The following YEATS2 variants were observed in gnomAD, a reference collection of about 807,000 sequenced individuals.
YEATS2 encodes the protein YEATS domain-containing protein 2.
Under a neutral mutation model 163.2 loss-of-function variants are expected in YEATS2, and 77 were observed. That is an observed-to-expected ratio of 0.47 (90% CI 0.39 to 0.57). YEATS2 has a LOEUF of 0.57. YEATS2 is among the 20% of genes least tolerant of loss of function. The pLI, the probability that YEATS2 is intolerant of heterozygous loss-of-function variation, is 0.00. For synonymous variants in YEATS2, 631 were observed against 645.1 expected, an observed-to-expected ratio of 0.98 and a Z score of 0.33; for missense variants, 1,549 against 1,729.8, an observed-to-expected ratio of 0.90 and a Z score of 1.85.
chr3:183,708,990 T>C (rs1437071606), intron 1 of YEATS2, among the ~76,000 whole-genome samples: 1 of 151,826 alleles, frequency 6.6e-6, no homozygotes, highest in Non-Finnish European at 1.5e-5. Flanking sequence ...TGAAATCCCG[T>C]CTCTTCTAAA....
chr3:183,760,609 G>T (rs916354714), intron 13 of YEATS2, among the ~76,000 whole-genome samples: 2 of 151,994 alleles, frequency 1.3e-5, no homozygotes, highest in Non-Finnish European at 1.5e-5. Flanking sequence ...GGCGTGAGCC[G>T]CTGCGCCTGG....
rs1279205774 is a variant in YEATS2 at position 183,762,218 on chromosome 3, A to C, written c.1886A>C (p.Gln629Pro). ...KGGHMIAVSP[Q>P]KQVITPGEGI... ...GGTCACATGATAGCTGTGTCCCCTC[A>C]AAAACAGGTCATAACTCCTGGAGAA... Residue 629 changes from glutamine to proline, a missense_variant, in exon 15 of 31, where the codon CAA becomes CCA. Coordinates refer to ENST00000305135, the MANE Select transcript of YEATS2 (RefSeq NM_018023.5). 1 of 1,614,010 alleles carries C rather than the reference A, an allele frequency of 6.2e-7. No individual in the cohort carries two copies. Among genetic ancestry groups the C allele is most frequent in the Non-Finnish European group, 8.5e-7 (1 of 1,179,896 alleles).
At chr3:183,791,335 A>G (rs563476962) in intron 21 of YEATS2, among the ~76,000 whole-genome samples, 4 of 152,268 alleles carry the variant, frequency 2.6e-5, no homozygotes, top group African/African-American at 7.2e-5. Context: ...GTGCCCAGCT[A>G]TTTTTTTGGA....
intron 20 of YEATS2, among the ~76,000 whole-genome samples, chr3:183,790,334 A>T (rs1724493313): frequency 6.6e-6 from 1 of 152,084 alleles, no homozygotes; most frequent in African/African-American, 2.4e-5. Flanking sequence ...TTTCTCTCAG[A>T]GCCTTAGCAC....
chr3:183,742,338 C>A (rs1444709979), intron 8 of YEATS2, among the ~76,000 whole-genome samples: 2 of 152,182 alleles, frequency 1.3e-5, no homozygotes, highest in Non-Finnish European at 2.9e-5. Context: ...ACTAACCATT[C>A]TAGATGCCAT....
intron 16 of YEATS2, 88 bp downstream of exon 16, chr3:183,772,651 G>A: frequency 1.3e-6 from 2 of 1,524,204 alleles, no homozygotes; most frequent in South Asian, 1.2e-5. Flanking sequence ...ATTTGATCTG[G>A]TCTAGGAAAG....
At chr3:183,702,466 T>C (rs1714198010) in intron 1 of YEATS2, among the ~76,000 whole-genome samples, 3 of 150,856 alleles carry the variant, frequency 2.0e-5, no homozygotes, top group Non-Finnish European at 4.4e-5. Context: ...AAAATTACCT[T>C]AAAAATCTCA....
chr3:183,795,455 ATTTTTTTTTTTTTTT>A (rs573338439), intron 21 of YEATS2, among the ~76,000 whole-genome samples: 5 of 79,900 alleles, frequency 6.3e-5, no homozygotes, highest in Admixed American at 1.3e-4. Flanking sequence ...CACGGGACTA[ATTTTTTTTTTTTTTT>A]TTTTTTTTTT....
intron 21 of YEATS2, among the ~76,000 whole-genome samples, chr3:183,795,219 T>C (rs549480196): frequency 6.6e-6 from 1 of 151,342 alleles, no homozygotes; most frequent in African/African-American, 2.4e-5. Flanking sequence ...TCTACCCTAA[T>C]AGTAAATCAG....
At chr3:183,786,444 A>C (rs573254763) in intron 20 of YEATS2, 143 bp downstream of exon 20, 2 of 794,314 alleles carry the variant, frequency 2.5e-6, no homozygotes, top group East Asian at 2.7e-5. Flanking sequence ...TTCACATACC[A>C]TAAAAGTCCC....
rs1184270198 is a variant in YEATS2, at chr3:183,736,725, C to G, written c.820C>G (p.Pro274Ala). 2 of 1,612,892 alleles carry G rather than the reference C, an allele frequency of 1.2e-6. No homozygotes were observed. The highest frequency in any genetic ancestry group is 2.7e-5 in the African/African-American group (2 of 74,848). Residue 274 changes from proline (P) to alanine (A), a missense_variant, in exon 8 of 31, where the codon CCT becomes GCT. By Grantham distance (27) the Pro-to-Ala change is conservative (BLOSUM62 -1). Transcript: ENST00000305135. Reference protein sequence around the residue: ...PNDLVEVREPPFHLTRRGWGE... With the variant: ...PNDLVEVREPAFHLTRRGWGE... ...ATATCTGCTTTTCCATAGAGAGCCT[C>G]CTTTTCACCTGACCAGAAGAGGCTG...
chr3:183,810,407 A>G, intron 30 of YEATS2, 68 bp from the exon 31 acceptor site: 3 of 1,398,728 alleles, frequency 2.1e-6, no homozygotes, highest in Non-Finnish European at 3.0e-6. Context: ...GTGATGAGTT[A>G]AGTGAATAAA....
intron 18 of YEATS2, among the ~76,000 whole-genome samples, chr3:183,777,034 C>T (rs529590415): frequency 6.6e-6 from 1 of 151,820 alleles, no homozygotes; most frequent in Non-Finnish European, 1.5e-5. Flanking sequence ...TAATTGCCTC[C>T]AAAATCCATG....
intron 21 of YEATS2, among the ~76,000 whole-genome samples, chr3:183,794,031 G>C (rs924771431): frequency 6.6e-6 from 1 of 152,182 alleles, no homozygotes; most frequent in Admixed American, 6.5e-5. Flanking sequence ...CAGAAGCTGC[G>C]TGAGCAACGG....
rs748228574 is a variant in YEATS2, at chr3:183,772,494, C to A, written c.2137C>A (p.Pro713Thr). The A allele has an allele frequency of 5.7e-5, 92 of 1,614,012 alleles. No individual in the cohort carries two copies. The highest frequency in any genetic ancestry group is 3.2e-4 in the African/African-American group (24 of 74,898). ...AGGTGGAGGAACCATTGTTGCTCAG[C>A]CAGTGCAGACCTTAACCAAGGCCCA... ...SGGGGTIVAQ[P>T]VQTLTKAQVT... is the part of the protein sequence containing the mutation. Residue 713 changes from proline (P) to threonine (T), a missense_variant, in exon 16 of 31, where the codon CCA becomes ACA. Physicochemically the swap from Pro to Thr is conservative, Grantham distance 38 (BLOSUM62 -1). Transcript: ENST00000305135.
At chr3:183,702,177 G>A (rs1036817919) in intron 1 of YEATS2, among the ~76,000 whole-genome samples, 4 of 152,168 alleles carry the variant, frequency 2.6e-5, no homozygotes, top group African/African-American at 4.8e-5. Context: ...AGCCGCGGTG[G>A]CTCATACCTG....
Position 183,698,289 on chromosome 3 carries a change from T to G in YEATS2, c.-20+296T>G, listed in dbSNP as rs539118386. ...CCCGAGCCACAGCGGCCGGAGCTTT[T>G]AGGATGTTAAGCTCTTGGCCTTGGA... is the stretch of plus-strand genomic sequence containing the variant. On this transcript the variant is annotated intron_variant, in intron 1 of 30. Transcript: ENST00000305135. 2.0e-5 allele frequency among the ~76,000 whole-genome samples: 3 copies of G among 152,180 alleles called. No homozygotes were observed. In the South Asian group the frequency reaches 6.2e-4, roughly 32 times the overall value.
At chr3:183,792,397 G>T (rs548367002) in intron 21 of YEATS2, among the ~76,000 whole-genome samples, 333 of 152,262 alleles carry the variant, frequency 2.2e-3, no homozygotes, top group African/African-American at 7.5e-3. Context: ...CATGCGGTGT[G>T]TGGTTTTCTG....
intron 15 of YEATS2, among the ~76,000 whole-genome samples, chr3:183,762,737 A>G (rs531778695): frequency 2.8e-4 from 42 of 151,928 alleles, no homozygotes; most frequent in African/African-American, 9.4e-4. Flanking sequence ...AGGAGAATTA[A>G]TGTATTGAGA....
Sources: gnomAD v4.1 joint callset for allele counts (sites outside exome capture counted in the v4.1 genomes callset) on GRCh38, gnomAD v4.1.1 for gene constraint, MANE v1.5 for transcripts, NCBI Gene and HGNC (gene_info 2026-07-23, HGNC 2026-07-21) for gene names.